LARGE1: variants seen among roughly 807,000 people sequenced by gnomAD.
LARGE1 encodes xylosyl- and glucuronyltransferase LARGE1.
In LARGE1, 43 loss-of-function variants were observed where a neutral mutation model predicts 87.6. That is an observed-to-expected ratio of 0.49 (90% confidence interval 0.38 to 0.63). The LOEUF is 0.63. Ranked by LOEUF, LARGE1 falls within the 30% of genes least tolerant of loss-of-function variation. The pLI, the probability that LARGE1 is intolerant of heterozygous loss-of-function variation, is 0.00. For synonymous variants in LARGE1, 434 were observed against 394.6 expected (o/e 1.10, Z -1.18); for missense variants, 802 against 1,000.2 (o/e 0.80, Z 2.67).
chr22:33,621,200 C>T (rs1165719229), intron 4 of LARGE1, among the ~76,000 whole-genome samples: 2 of 152,066 alleles, frequency 1.3e-5, no homozygotes, highest in African/African-American at 4.8e-5. Flanking sequence ...TTATTCTGTT[C>T]TTAAGTATTA....
chr22:33,454,777 G>A (rs1396524727), intron 6 of LARGE1, among the ~76,000 whole-genome samples: 1 of 152,086 alleles, frequency 6.6e-6, no homozygotes, highest in East Asian at 1.9e-4. Flanking sequence ...CTCACATGGT[G>A]GGAGCAGCAG....
chr22:33,093,409 C>T, the LARGE1 span, among the ~76,000 whole-genome samples: 1 of 152,174 alleles, frequency 6.6e-6, no homozygotes, highest in Non-Finnish European at 1.5e-5. Context: ...AGTGACTACC[C>T]AAAACCCAGT....
downstream of LARGE1, among the ~76,000 whole-genome samples, chr22:33,159,860 T>C (rs1602026306): frequency 6.6e-6 from 1 of 151,768 alleles, no homozygotes; most frequent in South Asian, 2.1e-4. Context: ...GTGCTGGGAT[T>C]ACAGGTGTGA....
chr22:33,669,709 T>C (rs1340565488), intron 2 of LARGE1, among the ~76,000 whole-genome samples: 1 of 152,208 alleles, frequency 6.6e-6, no homozygotes, highest in African/African-American at 2.4e-5. Context: ...CCATCACCTC[T>C]AGATTAAATT....
chr22:33,826,949 C>G (rs577579649), intron 1 of LARGE1, among the ~76,000 whole-genome samples: 4 of 152,310 alleles, frequency 2.6e-5, no homozygotes, highest in Non-Finnish European at 4.4e-5. Flanking sequence ...AATCAGTTAA[C>G]CCCAGCCTCC....
chr22:33,904,849 A>G (rs1310410969), intron 1 of LARGE1, among the ~76,000 whole-genome samples: 1 of 152,156 alleles, frequency 6.6e-6, no homozygotes, highest in Non-Finnish European at 1.5e-5. Flanking sequence ...GGATGTTTAC[A>G]TTATCCTGAA....
At chr22:33,716,155 C>G (rs777602535) in intron 2 of LARGE1, among the ~76,000 whole-genome samples, 30 of 152,076 alleles carry the variant, frequency 2.0e-4, no homozygotes, top group African/African-American at 7.0e-4. Flanking sequence ...TAAAATGACT[C>G]CTATATCCTC....
intron 6 of LARGE1, among the ~76,000 whole-genome samples, chr22:33,537,058 G>T (rs892213691): frequency 2.0e-5 from 3 of 152,178 alleles, no homozygotes; most frequent in Non-Finnish European, 4.4e-5. Context: ...TTATCTGCCT[G>T]CCTCGGCCTC....
intron 1 of LARGE1, among the ~76,000 whole-genome samples, chr22:33,785,076 TAC>T (rs2085571362): frequency 7.5e-6 from 1 of 133,958 alleles, no homozygotes; most frequent in Non-Finnish European, 1.6e-5. Flanking sequence ...TATATGTGTA[TAC>T]ATACATATGT....
intron 1 of LARGE1, among the ~76,000 whole-genome samples, chr22:33,909,080 G>T (rs980781736): frequency 1.3e-5 from 2 of 152,118 alleles, no homozygotes; most frequent in African/African-American, 4.8e-5. Flanking sequence ...GAGAGGCCCC[G>T]AAAAGTGTAT....
rs778955343 is a variant in LARGE1 at position 33,869,026 on chromosome 22, A to C, written c.-83+50969T>G. ...TGAACGAGGCTCCAAAAATGAGCAG[A>C]ATGTAGACAGGGAGAGCAAAAGGGG... On this transcript the variant is annotated intron_variant, in intron 1 of 14. Transcript: ENST00000397394. Among the ~76,000 whole-genome samples, 4 of 152,188 alleles carry C rather than the reference A, an allele frequency of 2.6e-5. No homozygotes were observed. The South Asian group carries it at 8.3e-4, about 32-fold the overall frequency.
chr22:33,207,107 G>T (rs1924724453), intron 11 of LARGE1, among the ~76,000 whole-genome samples: 1 of 146,780 alleles, frequency 6.8e-6, no homozygotes, highest in Non-Finnish European at 1.5e-5. Flanking sequence ...ATCCCACTTT[G>T]TAAAATGAAA....
chr22:33,910,057 A>G (rs1001315469), intron 1 of LARGE1, among the ~76,000 whole-genome samples: 2 of 152,176 alleles, frequency 1.3e-5, no homozygotes. Context: ...ATCCGTGTTC[A>G]GCCACCACAG....
At chr22:33,658,692 T>G (rs1252863186) in intron 2 of LARGE1, among the ~76,000 whole-genome samples, 6 of 152,242 alleles carry the variant, frequency 3.9e-5, no homozygotes, top group Non-Finnish European at 7.3e-5. Context: ...CTATCACTGA[T>G]GGGCATCTGG....
At chr22:33,150,173 C>A in the LARGE1 span, among the ~76,000 whole-genome samples, 7 of 152,340 alleles carry the variant, frequency 4.6e-5, no homozygotes, top group Middle Eastern at 6.8e-3. Context: ...CACATCCAGA[C>A]AATGAGACAC....
intron 1 of LARGE1, among the ~76,000 whole-genome samples, chr22:33,793,893 A>T (rs892419815): frequency 6.6e-6 from 1 of 152,200 alleles, no homozygotes; most frequent in Admixed American, 6.5e-5. Flanking sequence ...TGGATCTAAA[A>T]ATAAAAGAAA....
At chr22:33,466,136 G>A (rs557836386) in intron 6 of LARGE1, among the ~76,000 whole-genome samples, 1 of 152,160 alleles carries the variant, frequency 6.6e-6, no homozygotes, top group South Asian at 2.1e-4. Flanking sequence ...ACCCTTCCAA[G>A]ACCACCAGCT....
intron 2 of LARGE1, among the ~76,000 whole-genome samples, chr22:33,702,058 T>C (rs948670686): frequency 6.6e-6 from 1 of 152,180 alleles, no homozygotes; most frequent in Non-Finnish European, 1.5e-5. Flanking sequence ...TCCACTGCCA[T>C]CTCCTCCAAT....
intron 3 of LARGE1, among the ~76,000 whole-genome samples, chr22:33,643,213 A>T (rs546223692): frequency 6.6e-6 from 1 of 151,474 alleles, no homozygotes; most frequent in African/African-American, 2.5e-5. Flanking sequence ...ACCACAGTGC[A>T]ATCAAATTAG....
Sources: gnomAD v4.1 joint callset for allele counts (sites outside exome capture counted in the v4.1 genomes callset) on GRCh38, gnomAD v4.1.1 for gene constraint, MANE v1.5 for transcripts, NCBI Gene and HGNC (gene_info 2026-07-23, HGNC 2026-07-21) for gene names.